Variants in KDM5A observed in about 807,000 individuals in gnomAD.
KDM5A encodes lysine demethylase 5A.
A neutral mutation model predicts 193.5 loss-of-function variants in KDM5A; 42 were observed. The observed-to-expected ratio is 0.22, with a 90% CI of 0.17 to 0.28. The LOEUF is 0.28. KDM5A is among the 10% of genes least tolerant of loss of function. The pLI is 1.00. For synonymous variants in KDM5A, 796 were observed against 718.1 expected, an observed-to-expected ratio of 1.11 and a Z score of -1.73; for missense variants, 1,692 against 2,055.1, an observed-to-expected ratio of 0.82 and a Z score of 3.42.
At chr12:308,361 A>C (rs1170214885) in intron 22 of KDM5A, among the ~76,000 whole-genome samples, 2 of 152,166 alleles carry the variant, frequency 1.3e-5, no homozygotes, top group African/African-American at 4.8e-5. Flanking sequence ...TGAGAATACT[A>C]CCAACCGTAT....
chr12:291,265 T>C (rs150080483), intron 27 of KDM5A, among the ~76,000 whole-genome samples: 9 of 152,342 alleles, frequency 5.9e-5, no homozygotes, highest in African/African-American at 2.2e-4. Flanking sequence ...AAGATTAGAC[T>C]ATAGGATATA....
At chr12:384,202 A>T (rs758315185) in intron 2 of KDM5A, 49 bp from the exon 3 acceptor site, 2 of 1,414,786 alleles carry the variant, frequency 1.4e-6, no homozygotes, top group Admixed American at 3.4e-5. Context: ...GAAATGAATA[A>T]GAATAACAGA....
chr12:379,927 AC>A (rs925314678), intron 3 of KDM5A, among the ~76,000 whole-genome samples: 1 of 152,216 alleles, frequency 6.6e-6, no homozygotes, highest in Admixed American at 6.5e-5. Flanking sequence ...AGACTAGGTT[AC>A]CTCTAAAAGC....
At chr12:347,738 C>G (rs1217494166) in intron 10 of KDM5A, among the ~76,000 whole-genome samples, 1 of 151,978 alleles carries the variant, frequency 6.6e-6, no homozygotes. Flanking sequence ...GGATCCCTTC[C>G]TTACACCTTA....
chr12:300,295 T>C (rs1943425969), intron 24 of KDM5A, among the ~76,000 whole-genome samples: 1 of 152,054 alleles, frequency 6.6e-6, no homozygotes. Flanking sequence ...AAAACACCCC[T>C]CAGCAAATGC....
intron 5 of KDM5A, among the ~76,000 whole-genome samples, chr12:358,474 A>G (rs1944252935): frequency 6.6e-6 from 1 of 152,362 alleles, no homozygotes; most frequent in Non-Finnish European, 1.5e-5. Flanking sequence ...TTATTAAAGC[A>G]GAGTATATAA....
rs904123734 is a variant in KDM5A, at chr12:314,811, G to A, written c.2898-1617C>T. Among the ~76,000 whole-genome samples the A allele has an allele frequency of 3.9e-5, 6 of 152,168 alleles. No individual in the cohort carries two copies. The East Asian group carries it at 1.2e-3, about 29-fold the overall frequency. On this transcript the variant is annotated intron_variant, in intron 19 of 27. Coordinates refer to ENST00000399788, the MANE Select transcript of KDM5A (RefSeq NM_001042603.3). Reference sequence around the variant, plus strand: ...CACAAAGATGCAGAGAAAGAACACAGATGTTTGAGGAACTGAGAGGAAAAA... The same window carrying A: ...CACAAAGATGCAGAGAAAGAACACAAATGTTTGAGGAACTGAGAGGAAAAA...
Position 295,809 on chromosome 12 carries a change from C to T in KDM5A, c.4235-16G>A, listed in dbSNP as rs1012318811. The T allele has an allele frequency of 1.9e-6, 3 of 1,609,858 alleles. No homozygotes were observed. Among genetic ancestry groups the T allele is most frequent in the Non-Finnish European group, 2.6e-6 (3 of 1,176,292 alleles). On this transcript the variant is annotated splice_polypyrimidine_tract_variant and intron_variant, in intron 25 of 27. Coordinates refer to ENST00000399788, the MANE Select transcript of KDM5A (RefSeq NM_001042603.3). ...GTGCTAGAACCTTTCCCAAAAAATA[C>T]CATAAAACAAAGCAAAAAAAATTAA... is the stretch of plus-strand genomic sequence containing the variant.
intron 3 of KDM5A, among the ~76,000 whole-genome samples, chr12:375,637 G>A (rs372590404): frequency 6.6e-5 from 10 of 152,294 alleles, no homozygotes; most frequent in East Asian, 3.9e-4. Flanking sequence ...TTCCTTTGGC[G>A]GGGGAGAGGT....
At chr12:333,812 A>G (rs1565537110) in intron 11 of KDM5A, among the ~76,000 whole-genome samples, 163 bp from the exon 12 acceptor site, 1 of 152,220 alleles carries the variant, frequency 6.6e-6, no homozygotes, top group Non-Finnish European at 1.5e-5. Context: ...TGTTGTTCAC[A>G]ATAGGAGGTA....
At chr12:289,036 C>T (rs183146378) in intron 27 of KDM5A, among the ~76,000 whole-genome samples, 186 of 152,272 alleles carry the variant, frequency 1.2e-3, no homozygotes, top group Middle Eastern at 0.01. Flanking sequence ...ATTGAGGCAA[C>T]ACCCCCATGA....
intron 10 of KDM5A, among the ~76,000 whole-genome samples, chr12:345,268 G>C (rs1452006678): frequency 1.3e-5 from 2 of 152,102 alleles, no homozygotes; most frequent in Non-Finnish European, 1.5e-5. Flanking sequence ...GATTCCTAAA[G>C]CAAGTCCTTA....
chr12:358,949 C>T (rs1056708007), intron 5 of KDM5A, among the ~76,000 whole-genome samples: 11 of 150,648 alleles, frequency 7.3e-5, no homozygotes, highest in East Asian at 5.8e-4. Flanking sequence ...CCAGCCTGGG[C>T]GACAGAGCAA....
At chr12:380,647 TG>T (rs1488777875) in intron 3 of KDM5A, among the ~76,000 whole-genome samples, 5 of 151,908 alleles carry the variant, frequency 3.3e-5, no homozygotes, top group East Asian at 1.9e-4. Context: ...CGGTTGAACC[TG>T]GGAGATGGAG....
At chr12:305,969 G>GT (rs3038312) in intron 24 of KDM5A, among the ~76,000 whole-genome samples, 3,496 of 104,110 alleles carry the variant, frequency 0.034, 169 homozygotes, top group African/African-American at 0.088. Flanking sequence ...CAATGGAAGT[G>GT]TTTTTTTTTT....
chr12:289,907 C>CTTTTTTT (rs750918968), intron 27 of KDM5A, among the ~76,000 whole-genome samples: 6 of 99,636 alleles, frequency 6.0e-5, no homozygotes, highest in Admixed American at 2.3e-4. Flanking sequence ...TTCTTTCTTT[C>CTTTTTTT]TTTTTTTTTT....
Position 318,203 on chromosome 12 carries a change from G to T in KDM5A, c.2800C>A (p.Pro934Thr). The T allele has an allele frequency of 6.2e-7, 1 of 1,614,120 alleles. No individual in the cohort carries two copies. Among genetic ancestry groups the T allele is most frequent in the Non-Finnish European group, 8.5e-7 (1 of 1,180,018 alleles). Reference protein sequence around the residue: ...KLIDSGVGLAPHHAVEKAMAE... With the variant: ...KLIDSGVGLATHHAVEKAMAE... ...ATTGCTTTCTCCACAGCATGGTGGGGTGCCAACCCTACCCCAGAGTCTATC... is the reference window on the plus strand; with the variant it reads ...ATTGCTTTCTCCACAGCATGGTGGGTTGCCAACCCTACCCCAGAGTCTATC... The change falls in exon 19 of 28, where the codon CCC (proline) becomes ACC (threonine). Residue 934 changes from proline (P) to threonine (T), a missense_variant. By Grantham distance (38) the Pro-to-Thr change is conservative. Around this residue, in one of 11 missense-constraint regions of KDM5A, gnomAD observed 965 missense variants for 1,061.0 expected, o/e 0.91. Transcript: ENST00000399788.
Position 292,640 on chromosome 12 carries a change from T to C in KDM5A, c.4866+119A>G. 2 of 1,225,404 alleles carry C rather than the reference T, an allele frequency of 1.6e-6. 1 individual carries two copies. The highest frequency in any genetic ancestry group is 2.5e-5 in the South Asian group (2 of 80,776). The allele number at this position is 1,225,404 out of a possible 1,614,324, so 75.9% of individuals were successfully genotyped here. The stretch of plus-strand genomic sequence containing the variant: ...GTTTATAGAAATTGTACAAAAGACA[T>C]TATGTTGGAAGTCCAAATCCTAGAA... On this transcript the variant is annotated intron_variant, in intron 27 of 27. Coordinates refer to ENST00000399788, the MANE Select transcript of KDM5A (RefSeq NM_001042603.3).
chr12:388,320 T>C, intron 1 of KDM5A: 1 of 455,916 alleles, frequency 2.2e-6, no homozygotes, highest in Non-Finnish European at 4.4e-6. Flanking sequence ...TTGAGTTCCC[T>C]ACGTCAAGAG....
Sources: gnomAD v4.1 joint callset for allele counts (sites outside exome capture counted in the v4.1 genomes callset) on GRCh38, gnomAD v4.1.1 for gene constraint, gnomAD v4.1.1 regional missense constraint, MANE v1.5 for transcripts, NCBI Gene and HGNC (gene_info 2026-07-23, HGNC 2026-07-21) for gene names.